MSRA: variants seen among roughly 807,000 people sequenced by gnomAD.
MSRA encodes mitochondrial peptide methionine sulfoxide reductase.
Under a neutral mutation model 31.3 loss-of-function variants are expected in MSRA, and 54 were observed. The observed-to-expected ratio is 1.73, with a 90% CI of 1.39 to 2.17. MSRA has a LOEUF of 2.17. MSRA is among the 30% of genes most tolerant of loss of function. The pLI is 0.00. For missense variants in MSRA, 507 were observed against 300.9 expected (o/e 1.69, Z -5.07); for synonymous variants, 169 against 116.5 (o/e 1.45, Z -2.90).
intron 1 of MSRA, among the ~76,000 whole-genome samples, chr8:10,121,506 G>A (rs1226340701): frequency 6.6e-6 from 1 of 152,206 alleles, no homozygotes; most frequent in Non-Finnish European, 1.5e-5. Flanking sequence ...AGGTGTGGCA[G>A]GGGTTTAAGG....
chr8:10,140,262 G>A (rs10092905), intron 1 of MSRA, among the ~76,000 whole-genome samples: 6,532 of 152,208 alleles, frequency 0.043, 338 homozygotes, highest in African/African-American at 0.12. Flanking sequence ...GTTACAGGGA[G>A]GGCACTTCAC....
chr8:10,252,332 T>C (rs1484401551), intron 3 of MSRA, among the ~76,000 whole-genome samples: 2 of 152,222 alleles, frequency 1.3e-5, no homozygotes, highest in East Asian at 3.9e-4. Flanking sequence ...AGAGTAGGGG[T>C]GGCTTTGGAG....
At chr8:10,184,986 C>G (rs1395192862) in intron 1 of MSRA, among the ~76,000 whole-genome samples, 1 of 152,154 alleles carries the variant, frequency 6.6e-6, no homozygotes, top group South Asian at 2.1e-4. Context: ...CATATGTAGC[C>G]TTTTGATCTT....
chr8:10,204,835 G>T (rs1349269254), intron 1 of MSRA, among the ~76,000 whole-genome samples: 1 of 152,220 alleles, frequency 6.6e-6, no homozygotes, highest in East Asian at 1.9e-4. Flanking sequence ...CCCGTTCTGT[G>T]TCCATACGCT....
intron 1 of MSRA, among the ~76,000 whole-genome samples, chr8:10,204,899 G>A (rs1468973373): frequency 6.6e-6 from 1 of 152,232 alleles, no homozygotes; most frequent in Non-Finnish European, 1.5e-5. Context: ...TGCCCTCCCT[G>A]AGCTTGCAGT....
At chr8:10,427,342 T>C (rs1465127751) in intron 5 of MSRA, among the ~76,000 whole-genome samples, 1 of 152,198 alleles carries the variant, frequency 6.6e-6, no homozygotes, top group Non-Finnish European at 1.5e-5. Context: ...GTCTATTTCT[T>C]AGTCTGTCTC....
chr8:10,231,624 C>T (rs969902657), intron 2 of MSRA, among the ~76,000 whole-genome samples: 3 of 152,006 alleles, frequency 2.0e-5, no homozygotes, highest in East Asian at 3.9e-4. Flanking sequence ...TGAAAAGGGT[C>T]GGGTGCAGTG....
intron 1 of MSRA, among the ~76,000 whole-genome samples, chr8:10,138,739 A>G (rs1802473575): frequency 6.6e-6 from 1 of 152,166 alleles, no homozygotes; most frequent in Admixed American, 6.5e-5. Flanking sequence ...TCACAATTTT[A>G]TCTGGGTAAA....
At chr8:10,218,004 T>C (rs1276846359) in intron 2 of MSRA, among the ~76,000 whole-genome samples, 1 of 152,122 alleles carries the variant, frequency 6.6e-6, no homozygotes, top group Non-Finnish European at 1.5e-5. Flanking sequence ...CGAACGATCA[T>C]GTTCATTTGT....
At chr8:10,336,595 T>C (rs1286821984) in intron 5 of MSRA, among the ~76,000 whole-genome samples, 1 of 152,194 alleles carries the variant, frequency 6.6e-6, no homozygotes, top group Non-Finnish European at 1.5e-5. Context: ...GGCAAACCAG[T>C]GAAATTAGGC....
At chr8:10,312,071 A>G (rs1424812833) in intron 4 of MSRA, among the ~76,000 whole-genome samples, 1 of 152,222 alleles carries the variant, frequency 6.6e-6, no homozygotes, top group Non-Finnish European at 1.5e-5. Flanking sequence ...CCTTAAATTC[A>G]TATATTAGAA....
intron 1 of MSRA, among the ~76,000 whole-genome samples, chr8:10,199,580 A>G (rs756443035): frequency 2.6e-5 from 4 of 152,014 alleles, no homozygotes; most frequent in East Asian, 1.9e-4. Flanking sequence ...TTTTTTTTTA[A>G]TGAATAAAAA....
At chr8:10,153,105 A>G (rs1803851303) in intron 1 of MSRA, among the ~76,000 whole-genome samples, 2 of 152,198 alleles carry the variant, frequency 1.3e-5, no homozygotes, top group East Asian at 1.9e-4. Flanking sequence ...GAATGTACTT[A>G]CCACTACTGA....
At chr8:10,269,195 T>C (rs2129099090) in intron 3 of MSRA, among the ~76,000 whole-genome samples, 1 of 152,352 alleles carries the variant, frequency 6.6e-6, no homozygotes, top group South Asian at 2.1e-4. Flanking sequence ...ATCCAAACAA[T>C]TGTGCTCCAA....
intron 2 of MSRA, among the ~76,000 whole-genome samples, chr8:10,217,365 T>C (rs1020501018): frequency 6.6e-6 from 1 of 152,242 alleles, no homozygotes; most frequent in Non-Finnish European, 1.5e-5. Flanking sequence ...GACTATTTGG[T>C]CCTTGCATCT....
chr8:10,317,185 C>T (rs966192260), intron 4 of MSRA, among the ~76,000 whole-genome samples: 1 of 152,224 alleles, frequency 6.6e-6, no homozygotes, highest in Admixed American at 6.5e-5. Flanking sequence ...AGGCGTTGTT[C>T]CTGACTTGTC....
At chr8:10,412,669 A>C (rs567985528) in intron 5 of MSRA, among the ~76,000 whole-genome samples, 20 of 152,344 alleles carry the variant, frequency 1.3e-4, no homozygotes, top group African/African-American at 4.6e-4. Flanking sequence ...AAGTCCCTTC[A>C]CCTACAGGAT....
chr8:10,167,280 C>T (rs1176831841), intron 1 of MSRA, among the ~76,000 whole-genome samples: 2 of 152,188 alleles, frequency 1.3e-5, no homozygotes, highest in Non-Finnish European at 2.9e-5. Flanking sequence ...CCAAAGGCAG[C>T]CGATACTGCT....
At chr8:10,143,249 G>A (rs957811127) in intron 1 of MSRA, among the ~76,000 whole-genome samples, 15 of 152,118 alleles carry the variant, frequency 9.9e-5, no homozygotes, top group African/African-American at 3.4e-4. Flanking sequence ...CATCACCCGA[G>A]ACCAAGTGAA....
Sources: gnomAD v4.1 joint callset for allele counts (sites outside exome capture counted in the v4.1 genomes callset) on GRCh38, gnomAD v4.1.1 for gene constraint, MANE v1.5 for transcripts, NCBI Gene and HGNC (gene_info 2026-07-23, HGNC 2026-07-21) for gene names.